PRDM16: variants seen among roughly 807,000 people sequenced by gnomAD.
PRDM16 encodes PR/SET domain 16.
A neutral mutation model predicts 110.6 loss-of-function variants in PRDM16; 23 were observed. The ratio of observed to expected loss-of-function variants is 0.21; its 90% CI spans 0.15 to 0.29. The LOEUF (loss-of-function observed/expected upper bound fraction) is 0.29. Among genes scored for constraint, PRDM16 ranks in the 10% least tolerant of loss-of-function variants. PRDM16 has a pLI of 1.00. For synonymous variants in PRDM16, 799 were observed against 781.8 expected (o/e 1.02, Z -0.37); for missense variants, 1,615 against 1,794.3 (o/e 0.90, Z 1.81).
intron 10 of PRDM16, among the ~76,000 whole-genome samples, chr1:3,415,734 G>A (rs949633843): frequency 6.6e-6 from 1 of 152,238 alleles, no homozygotes; most frequent in African/African-American, 2.4e-5. Context: ...CCTGCCCGCT[G>A]CCCCCACGGG....
In PRDM16 at chr1:3,412,462, A is replaced by G. The variant is rs374005215; in HGVS notation, c.2265A>G (p.Pro755=). The stretch of plus-strand genomic sequence containing the variant: ...ACAACTTGCTGGTCAAGGCCGAGCC[A>G]AAGTCACCCCGGGACGCCCTCAAGG... ...LAHNLLVKAE[P]KSPRDALKVG... Residue 755 remains proline, a synonymous_variant, in exon 9 of 17, where the codon CCA becomes CCG. Coordinates refer to ENST00000270722, the MANE Select transcript of PRDM16 (RefSeq NM_022114.4). 3.7e-6 allele frequency: 6 copies of G among 1,613,280 alleles called. No homozygotes were observed. In the African/African-American group the frequency reaches 8.0e-5, roughly 22 times the overall value.
At chr1:3,278,962 A>G (rs1410449622) in intron 3 of PRDM16, among the ~76,000 whole-genome samples, 2 of 152,122 alleles carry the variant, frequency 1.3e-5, no homozygotes, top group African/African-American at 2.4e-5. Context: ...GTGGAGCCAC[A>G]CGGTGCCGAG....
chr1:3,285,010 G>A (rs752849199), intron 3 of PRDM16, among the ~76,000 whole-genome samples: 2 of 152,318 alleles, frequency 1.3e-5, no homozygotes, highest in South Asian at 2.1e-4. Context: ...TTCTCTGGCC[G>A]GTATAGCCCT....
intron 3 of PRDM16, among the ~76,000 whole-genome samples, chr1:3,366,894 G>A (rs779593841): frequency 6.6e-6 from 1 of 152,198 alleles, no homozygotes; most frequent in Non-Finnish European, 1.5e-5. Flanking sequence ...GAACTTTGTA[G>A]CATCCCGGGG....
chr1:3,135,625 G>A (rs1358377576), intron 1 of PRDM16, among the ~76,000 whole-genome samples: 1 of 152,164 alleles, frequency 6.6e-6, no homozygotes, highest in African/African-American at 2.4e-5. Flanking sequence ...CCCGCCTGAC[G>A]CGACATCCCT....
chr1:3,338,293 G>A (rs1166496862), intron 3 of PRDM16, among the ~76,000 whole-genome samples: 1 of 152,262 alleles, frequency 6.6e-6, no homozygotes, highest in East Asian at 1.9e-4. Flanking sequence ...TGTGGCCTCA[G>A]ATGAGAAGCC....
rs772015569 is a variant in PRDM16, at chr1:3,390,140, G to A, written c.573+4854G>A. ...TGAAGAAAGAAAACAAGAGCTTGGC[G>A]ATGAAGCGCCTGCGGGGGGATGCGG... On this transcript the variant is annotated intron_variant, in intron 4 of 16. Coordinates refer to ENST00000270722, the MANE Select transcript of PRDM16 (RefSeq NM_022114.4). This position sits in a 1 kb window ranked among gnomAD's most constrained non-coding sequence, Gnocchi z 5.0. 1.8e-3 allele frequency among the ~76,000 whole-genome samples: 279 copies of A among 152,326 alleles called. No individual in the cohort carries two copies. The highest frequency in any genetic ancestry group is 2.4e-3 in the Non-Finnish European group (161 of 68,020).
At chr1:3,360,501 G>A (rs573668036) in intron 3 of PRDM16, among the ~76,000 whole-genome samples, 32 of 152,096 alleles carry the variant, frequency 2.1e-4, no homozygotes, top group Non-Finnish European at 3.8e-4. Flanking sequence ...AGCAGAGCCC[G>A]GTCCAAGTGC....
chr1:3,121,889 G>C (rs1643102116), intron 1 of PRDM16, among the ~76,000 whole-genome samples: 1 of 152,248 alleles, frequency 6.6e-6, no homozygotes. Context: ...TCAGTACCCT[G>C]GGTGATGTAG....
At chr1:3,414,137 G>T (rs559220633) in intron 9 of PRDM16, among the ~76,000 whole-genome samples, 1 of 152,220 alleles carries the variant, frequency 6.6e-6, no homozygotes, top group Non-Finnish European at 1.5e-5. Context: ...CTTCAGAGTG[G>T]TCCCCACTCA....
rs1569803134 is a variant in PRDM16 at position 3,436,039 on chromosome 1, C to T, written c.*2228C>T. 2 of 230,694 alleles carry T rather than the reference C, an allele frequency of 8.7e-6. No homozygotes were observed. Among genetic ancestry groups the T allele is most frequent in the East Asian group, 6.1e-5 (1 of 16,266 alleles). The allele number at this position is 230,694 out of a possible 1,614,324, so 14.3% of individuals were successfully genotyped here. A position where few individuals can be genotyped will look rare whatever the true frequency, so the allele number is the denominator to read the frequency against. On this transcript the variant is annotated 3_prime_UTR_variant, in exon 17 of 17. Coordinates refer to ENST00000270722, the MANE Select transcript of PRDM16 (RefSeq NM_022114.4). ...CTGCTCAGGCCTTCTCACGCGTTTC[C>T]ACAACATCCCCTGGGTCAGACCCAC...
intron 12 of PRDM16, chr1:3,424,931 G>A (rs1296414175): frequency 2.0e-5 from 3 of 152,326 alleles, no homozygotes; most frequent in Non-Finnish European, 4.4e-5. Context: ...CCGGCCCCGC[G>A]GCCTGGGGGC....
chr1:3,150,363 C>T lies in PRDM16; in HGVS notation c.38-35762C>T, dbSNP rs370710333. Among the ~76,000 whole-genome samples, 10 of 147,916 alleles carry T rather than the reference C, an allele frequency of 6.8e-5. No homozygotes were observed. In the East Asian group the frequency reaches 1.6e-3, roughly 24 times the overall value. On this transcript the variant is annotated intron_variant, in intron 1 of 16. Coordinates refer to ENST00000270722, the MANE Select transcript of PRDM16 (RefSeq NM_022114.4). ...TTGTGGTCAGGAGTTCGAGACCAGC[C>T]TGGCCAACATGGTAAAACCCCATCT...
intron 3 of PRDM16, among the ~76,000 whole-genome samples, chr1:3,365,232 C>T (rs901136859): frequency 2.6e-5 from 4 of 152,166 alleles, no homozygotes; most frequent in African/African-American, 7.2e-5. Flanking sequence ...CGCCCTGTGC[C>T]GCCGTCCTCC....
intron 3 of PRDM16, among the ~76,000 whole-genome samples, chr1:3,320,297 G>A (rs1354960299): frequency 6.6e-6 from 1 of 152,202 alleles, no homozygotes. Context: ...GATTTTCATG[G>A]TCCAACTCAA....
chr1:3,352,927 G>A (rs1441714695), intron 3 of PRDM16, among the ~76,000 whole-genome samples: 1 of 152,206 alleles, frequency 6.6e-6, no homozygotes, highest in Non-Finnish European at 1.5e-5. Flanking sequence ...GGAGGGGGCC[G>A]TCCTCTGCAC....
At chr1:3,380,272 C>T (rs962986268) in intron 3 of PRDM16, among the ~76,000 whole-genome samples, 1 of 151,858 alleles carries the variant, frequency 6.6e-6, no homozygotes, top group Non-Finnish European at 1.5e-5. Context: ...AGGTGCCCCT[C>T]TGTGGAAGGA....
chr1:3,363,400 C>G (rs1401188607), intron 3 of PRDM16, among the ~76,000 whole-genome samples: 1 of 152,172 alleles, frequency 6.6e-6, no homozygotes, highest in Admixed American at 6.5e-5. Flanking sequence ...TTCCTCCCAG[C>G]AGGGAGGGAG....
At chr1:3,241,194 A>G (rs1394212305) in intron 2 of PRDM16, among the ~76,000 whole-genome samples, 1 of 152,250 alleles carries the variant, frequency 6.6e-6, no homozygotes, top group Non-Finnish European at 1.5e-5. Flanking sequence ...GCGGTTCCGC[A>G]ACGCGGCTCA....
Sources: gnomAD v4.1 joint callset for allele counts (sites outside exome capture counted in the v4.1 genomes callset) on GRCh38, gnomAD v4.1.1 for gene constraint, Gnocchi (gnomAD v3.1) non-coding constraint, MANE v1.5 for transcripts, NCBI Gene and HGNC (gene_info 2026-07-23, HGNC 2026-07-21) for gene names.